The following LRMDA variants were observed in gnomAD, a reference collection of about 807,000 sequenced individuals.
LRMDA encodes the protein leucine rich melanocyte differentiation associated, also known as leucine-rich melanocyte differentiation-associated protein.
Under a neutral mutation model 29.8 loss-of-function variants are expected in LRMDA, and 18 were observed. The observed-to-expected ratio is 0.60, with a 90% CI of 0.42 to 0.90. The LOEUF is 0.90. Ranked by LOEUF, LRMDA falls within the 40% of genes least tolerant of loss-of-function variation. The pLI is 0.00. For synonymous variants in LRMDA, 125 were observed against 109.4 expected, an observed-to-expected ratio of 1.14 and a Z score of -0.89; for missense variants, 273 against 273.9, an observed-to-expected ratio of 1.00 and a Z score of 0.02.
At chr10:76,250,886 T>C (rs1390068625) in intron 5 of LRMDA, among the ~76,000 whole-genome samples, 1 of 151,984 alleles carries the variant, frequency 6.6e-6, no homozygotes, top group East Asian at 1.9e-4. Context: ...ATCAGAGGGG[T>C]ATTGGGGATG....
intron 2 of LRMDA, among the ~76,000 whole-genome samples, chr10:75,830,377 G>A (rs536659238): frequency 1.3e-5 from 2 of 152,184 alleles, no homozygotes; most frequent in African/African-American, 2.4e-5. Flanking sequence ...TTAGTACACT[G>A]TATTAGTCTG....
At position 76,014,146 on chromosome 10, in the gene LRMDA, T is replaced by TTA. The variant is rs1164189530; in HGVS notation, c.132-21849_132-21848dup. Among the ~76,000 whole-genome samples the TTA allele has an allele frequency of 2.9e-3, 210 of 72,980 alleles. 1 individual carries two copies. The highest frequency in any genetic ancestry group is 7.2e-3 in the Middle Eastern group (1 of 138). The allele number at this position is 72,980 out of a possible 152,430, so 47.9% of individuals were successfully genotyped here. A position where few individuals can be genotyped will look rare whatever the true frequency, so the allele number is the denominator to read the frequency against. On this transcript the variant is annotated intron_variant, in intron 2 of 6. Coordinates refer to ENST00000611255, the MANE Select transcript of LRMDA (RefSeq NM_001305581.2). ...TATAATTATATATATATATATATAATTATATATATATATAATTATATATAT... is the reference window on the plus strand; with the variant it reads ...TATAATTATATATATATATATATAATTATATATATATATATAATTATATATAT...
chr10:76,194,109 G>A (rs1005403944), intron 5 of LRMDA, among the ~76,000 whole-genome samples: 1 of 152,190 alleles, frequency 6.6e-6, no homozygotes, highest in Admixed American at 6.5e-5. Context: ...GGAGGTTGGG[G>A]TTACCACTGG....
chr10:76,184,583 GA>G (rs745666177), intron 5 of LRMDA, among the ~76,000 whole-genome samples: 1 of 152,304 alleles, frequency 6.6e-6, no homozygotes, highest in East Asian at 1.9e-4. Flanking sequence ...TAATATTCTG[GA>G]AAAAGTGTAT....
At chr10:75,484,832 C>T (rs1844893536) in intron 2 of LRMDA, among the ~76,000 whole-genome samples, 1 of 152,178 alleles carries the variant, frequency 6.6e-6, no homozygotes, top group African/African-American at 2.4e-5. Flanking sequence ...CTGATGGCAC[C>T]TTGATCTTGG....
intron 6 of LRMDA, among the ~76,000 whole-genome samples, chr10:76,407,049 A>G (rs941941645): frequency 3.3e-5 from 5 of 152,164 alleles, no homozygotes; most frequent in Non-Finnish European, 5.9e-5. Context: ...AATAAGATCC[A>G]GTCCATGCCT....
At chr10:75,844,155 G>GTAAAT (rs1470930459) in intron 2 of LRMDA, among the ~76,000 whole-genome samples, 1 of 152,140 alleles carries the variant, frequency 6.6e-6, no homozygotes, top group African/African-American at 2.4e-5. Flanking sequence ...TAAAAAGTTA[G>GTAAAT]TAAATTTTGA....
At chr10:75,615,956 T>C (rs1363026772) in intron 2 of LRMDA, among the ~76,000 whole-genome samples, 1 of 152,228 alleles carries the variant, frequency 6.6e-6, no homozygotes, top group Non-Finnish European at 1.5e-5. Context: ...ACTGTGACTT[T>C]CATATTTTAA....
chr10:75,591,209 C>T (rs1225708539), intron 2 of LRMDA, among the ~76,000 whole-genome samples: 1 of 151,990 alleles, frequency 6.6e-6, no homozygotes, highest in East Asian at 1.9e-4. Context: ...ACCAAAAAGC[C>T]AAAAAACAAA....
Position 76,419,670 on chromosome 10 carries a change from A to G in LRMDA, c.601+95185A>G, listed in dbSNP as rs558061113. On this transcript the variant is annotated intron_variant, in intron 6 of 6. Coordinates refer to ENST00000611255, the MANE Select transcript of LRMDA (RefSeq NM_001305581.2). Reference sequence around the variant, plus strand: ...TTCCATAATGGCTGTACCATTTTGCATTCCCACCAGCAGTTATTGAGCATT... The same window carrying G: ...TTCCATAATGGCTGTACCATTTTGCGTTCCCACCAGCAGTTATTGAGCATT... Among the ~76,000 whole-genome samples, 77 of 152,208 alleles carry G rather than the reference A, an allele frequency of 5.1e-4. 2 individuals carry two copies. In the South Asian group the frequency reaches 0.015, roughly 29 times the overall value.
intron 6 of LRMDA, among the ~76,000 whole-genome samples, chr10:76,555,013 T>C (rs1419624201): frequency 2.0e-5 from 3 of 152,268 alleles, no homozygotes; most frequent in Non-Finnish European, 4.4e-5. Context: ...CCTAGTGCCA[T>C]AGAAATAAAT....
intron 3 of LRMDA, among the ~76,000 whole-genome samples, chr10:76,044,964 C>T (rs1289489322): frequency 4.0e-5 from 6 of 150,888 alleles, no homozygotes; most frequent in Non-Finnish European, 8.9e-5. Context: ...GCTTGTTTCC[C>T]CTTCTCTTGC....
chr10:76,265,728 C>T lies in LRMDA; in HGVS notation c.517-58673C>T, dbSNP rs1839999545. Among the ~76,000 whole-genome samples, 2 of 152,130 alleles carry T rather than the reference C, an allele frequency of 1.3e-5. 1 individual carries two copies. Among genetic ancestry groups the T allele is most frequent in the Admixed American group, 1.3e-4 (2 of 15,280 alleles). On this transcript the variant is annotated intron_variant, in intron 5 of 6. Transcript: ENST00000611255. ...GGGGAAGAGTCAGATCTTCAGCTTT[C>T]CATGTGTGTTGGTTTGATGTTATTA...
chr10:76,509,577 G>T (rs974593839), intron 6 of LRMDA, among the ~76,000 whole-genome samples: 3 of 152,168 alleles, frequency 2.0e-5, no homozygotes, highest in African/African-American at 7.2e-5. Flanking sequence ...AAATGTAACA[G>T]CCACAAAATT....
intron 2 of LRMDA, among the ~76,000 whole-genome samples, chr10:75,784,338 A>G (rs1398664489): frequency 1.3e-5 from 2 of 152,234 alleles, no homozygotes; most frequent in Non-Finnish European, 2.9e-5. Flanking sequence ...AAAACAAAAC[A>G]TGTAAAAGAG....
At chr10:76,492,071 A>G (rs2132336225) in intron 6 of LRMDA, among the ~76,000 whole-genome samples, 1 of 152,130 alleles carries the variant, frequency 6.6e-6, no homozygotes, top group East Asian at 1.9e-4. Context: ...TGTTAAATTT[A>G]TCTGATAAAA....
chr10:76,026,791 A>G (rs902060093), intron 2 of LRMDA, among the ~76,000 whole-genome samples: 5 of 152,216 alleles, frequency 3.3e-5, no homozygotes, highest in African/African-American at 4.8e-5. Context: ...CTCCAGTCAG[A>G]TAACCATAGT....
chr10:75,819,564 G>A (rs1844121111), intron 2 of LRMDA, among the ~76,000 whole-genome samples: 2 of 152,176 alleles, frequency 1.3e-5, no homozygotes, highest in Non-Finnish European at 2.9e-5. Flanking sequence ...TTAGGCATAT[G>A]TGCCAATTAT....
intron 6 of LRMDA, among the ~76,000 whole-genome samples, chr10:76,500,203 C>T (rs2132341891): frequency 1.3e-5 from 1 of 76,074 alleles, no homozygotes; most frequent in Admixed American, 1.2e-4. Context: ...GCTAAGCACG[C>T]TTACTGCAGA....
Sources: allele counts gnomAD v4.1 joint callset (sites outside exome capture counted in the v4.1 genomes callset), GRCh38; gene constraint gnomAD v4.1.1; transcripts MANE v1.5; gene names NCBI Gene and HGNC (gene_info 2026-07-23, HGNC 2026-07-21).